Variants in OSBPL8 observed in about 807,000 individuals in gnomAD.
The protein encoded by OSBPL8 is oxysterol-binding protein-related protein 8.
A neutral mutation model predicts 125.5 loss-of-function variants in OSBPL8; 59 were observed. The observed-to-expected ratio is 0.47, with a 90% CI of 0.38 to 0.58. The LOEUF is 0.58. Ranked by LOEUF, OSBPL8 falls within the 20% of genes least tolerant of loss-of-function variation. The pLI, the probability that OSBPL8 is intolerant of heterozygous loss-of-function variation, is 0.00. For synonymous variants in OSBPL8, 330 were observed against 338.9 expected, an observed-to-expected ratio of 0.97 and a Z score of 0.29; for missense variants, 758 against 1,047.8, an observed-to-expected ratio of 0.72 and a Z score of 3.82.
At chr12:76,444,777 G>A (rs1872567674) in intron 4 of OSBPL8, among the ~76,000 whole-genome samples, 2 of 152,176 alleles carry the variant, frequency 1.3e-5, no homozygotes, top group African/African-American at 4.8e-5. Context: ...TTCTGAAAGA[G>A]TGGAGTGAAA....
At chr12:76,484,455 A>G (rs1877906108) in intron 2 of OSBPL8, among the ~76,000 whole-genome samples, 1 of 152,244 alleles carries the variant, frequency 6.6e-6, no homozygotes, top group Non-Finnish European at 1.5e-5. Flanking sequence ...AATAGTTATA[A>G]TAACAATAAA....
intron 4 of OSBPL8, among the ~76,000 whole-genome samples, chr12:76,425,632 C>A (rs1199162720): frequency 6.6e-6 from 1 of 152,178 alleles, no homozygotes. Context: ...TGCCCAAGTT[C>A]TTTGTTGACA....
chr12:76,544,730 T>G (rs900357455), intron 1 of OSBPL8, among the ~76,000 whole-genome samples: 1 of 152,142 alleles, frequency 6.6e-6, no homozygotes, highest in Admixed American at 6.5e-5. Context: ...GGTGGCAGTA[T>G]GTTATACTAA....
rs1434923222 is a variant in OSBPL8, at chr12:76,491,589, C to A, written c.-67-3971G>T. Among the ~76,000 whole-genome samples, 7 of 152,184 alleles carry A rather than the reference C, an allele frequency of 4.6e-5. No homozygotes were observed. In the East Asian group the frequency reaches 1.3e-3, roughly 29 times the overall value. ...GAAACATTATATAAACTTTCCTTGACTACATGTATTATAATATATGGTAAT... is the reference window on the plus strand; with the variant it reads ...GAAACATTATATAAACTTTCCTTGAATACATGTATTATAATATATGGTAAT... On this transcript the variant is annotated intron_variant, in intron 1 of 23. Transcript: ENST00000261183.
intron 1 of OSBPL8, among the ~76,000 whole-genome samples, chr12:76,535,409 C>A (rs1950465543): frequency 6.6e-6 from 1 of 152,098 alleles, no homozygotes; most frequent in Admixed American, 6.5e-5. Context: ...CAATGAGATA[C>A]TATTACACAA....
At chr12:76,416,696 TTTA>T (rs568064495) in intron 4 of OSBPL8, among the ~76,000 whole-genome samples, 221 of 152,232 alleles carry the variant, frequency 1.5e-3, no homozygotes, top group South Asian at 3.5e-3. Context: ...CCAACTTTTC[TTTA>T]TTCTTTTATA....
At position 76,352,269 on chromosome 12, in the gene OSBPL8, TAGAA is replaced by T. The variant is rs535825983; in HGVS notation, c.*3616_*3619del. ...AAAAAGATAACATTTTCTAAATTTT[TAGAA>T]AGAATATTCACATTCATTTTGTCAT... On this transcript the variant is annotated 3_prime_UTR_variant, in exon 24 of 24. Transcript: ENST00000261183. 4 of 152,670 alleles carry T rather than the reference TAGAA, an allele frequency of 2.6e-5. No homozygotes were observed. In the East Asian group the frequency reaches 7.7e-4, roughly 29 times the overall value. 9.5% of individuals were successfully genotyped at this position (152,670 alleles called of 1,614,324 possible). A position where few individuals can be genotyped will look rare whatever the true frequency, so the allele number is the denominator to read the frequency against.
At chr12:76,446,122 C>T (rs1015536241) in intron 4 of OSBPL8, among the ~76,000 whole-genome samples, 2 of 152,106 alleles carry the variant, frequency 1.3e-5, no homozygotes, top group Admixed American at 6.5e-5. Flanking sequence ...TGAGCTAAGG[C>T]ATATAAAAGC....
chr12:76,430,694 C>A (rs1021894154), intron 4 of OSBPL8, among the ~76,000 whole-genome samples: 2 of 152,254 alleles, frequency 1.3e-5, no homozygotes, highest in African/African-American at 4.8e-5. Flanking sequence ...TCAATGGAAA[C>A]CTTGCAGGCC....
chr12:76,426,534 C>T (rs888465607), intron 4 of OSBPL8, among the ~76,000 whole-genome samples: 9 of 152,104 alleles, frequency 5.9e-5, no homozygotes, highest in Admixed American at 1.3e-4. Context: ...ACCTGGAGCA[C>T]GTAGAAGGCA....
At chr12:76,368,997 T>C (rs1952519343) in intron 21 of OSBPL8, among the ~76,000 whole-genome samples, 2 of 152,174 alleles carry the variant, frequency 1.3e-5, no homozygotes, top group Admixed American at 1.3e-4. Context: ...GTTCACTTGG[T>C]TGCTGAACAC....
At chr12:76,409,794 A>G (rs1164542690) in intron 5 of OSBPL8, among the ~76,000 whole-genome samples, 2 of 152,212 alleles carry the variant, frequency 1.3e-5, no homozygotes, top group African/African-American at 4.8e-5. Context: ...CAAGAACAGG[A>G]GCAAAAAATG....
intron 1 of OSBPL8, among the ~76,000 whole-genome samples, chr12:76,553,129 A>T (rs1488349488): frequency 3.9e-5 from 6 of 152,144 alleles, no homozygotes. Flanking sequence ...ACCCGGTAAT[A>T]ATGTTACTTA....
At chr12:76,442,166 C>T (rs930011461) in intron 4 of OSBPL8, among the ~76,000 whole-genome samples, 3 of 152,052 alleles carry the variant, frequency 2.0e-5, no homozygotes, top group African/African-American at 7.2e-5. Context: ...TAAGGCCGGG[C>T]AAGAATAAGA....
intron 4 of OSBPL8, among the ~76,000 whole-genome samples, chr12:76,418,796 G>C (rs1406980083): frequency 6.6e-6 from 1 of 152,110 alleles, no homozygotes; most frequent in Non-Finnish European, 1.5e-5. Flanking sequence ...TGGTGCCTCT[G>C]TGCTCCAGCC....
intron 1 of OSBPL8, among the ~76,000 whole-genome samples, chr12:76,520,187 T>C (rs971362307): frequency 5.3e-5 from 8 of 152,296 alleles, no homozygotes; most frequent in African/African-American, 1.9e-4. Flanking sequence ...TTTACGTGAA[T>C]GAACTTAAAA....
intron 21 of OSBPL8, among the ~76,000 whole-genome samples, chr12:76,364,546 T>C (rs1286372967): frequency 1.3e-5 from 2 of 152,196 alleles, no homozygotes; most frequent in Non-Finnish European, 2.9e-5. Flanking sequence ...AAATACCTAA[T>C]GTAGATGACA....
intron 5 of OSBPL8, 51 bp from the exon 6 acceptor site, chr12:76,402,817 G>T (rs766562943): frequency 1.7e-6 from 2 of 1,177,670 alleles, no homozygotes; most frequent in African/African-American, 3.1e-5. Context: ...TTTTCTACAC[G>T]TCGCATAAAA....
intron 2 of OSBPL8, among the ~76,000 whole-genome samples, chr12:76,468,438 T>A (rs1875726086): frequency 1.3e-5 from 2 of 152,376 alleles, no homozygotes; most frequent in South Asian, 4.1e-4. Context: ...CTACTTTGTT[T>A]CTGCTTTCCT....
Sources: gnomAD v4.1 joint callset for allele counts (sites outside exome capture counted in the v4.1 genomes callset) on GRCh38, gnomAD v4.1.1 for gene constraint, MANE v1.5 for transcripts, NCBI Gene and HGNC (gene_info 2026-07-23, HGNC 2026-07-21) for gene names.